The following FBXL16 variants were observed in gnomAD, a reference collection of about 807,000 sequenced individuals.
FBXL16 encodes F-box and leucine rich repeat protein 16.
Under a neutral mutation model 36.7 loss-of-function variants are expected in FBXL16, and 7 were observed. The ratio of observed to expected loss-of-function variants is 0.19; its 90% CI spans 0.11 to 0.36. The LOEUF (loss-of-function observed/expected upper bound fraction) is 0.36. Ranked by LOEUF, FBXL16 falls within the 10% of genes least tolerant of loss-of-function variation. The pLI, the probability that FBXL16 is intolerant of heterozygous loss-of-function variation, is 1.00. For synonymous variants in FBXL16, 355 were observed against 308.7 expected, an observed-to-expected ratio of 1.15 and a Z score of -1.57; for missense variants, 463 against 659.4, an observed-to-expected ratio of 0.70 and a Z score of 3.26.
At chr16:696,029 T>C (rs1030364303) in intron 2 of FBXL16, 106 bp from the exon 3 acceptor site, 12 of 1,429,234 alleles carry the variant, frequency 8.4e-6, no homozygotes, top group East Asian at 7.5e-5. Flanking sequence ...CTGAAAACAT[T>C]TGGCAGTGTG....
chr16:701,070 G>C (rs1051064083), intron 1 of FBXL16, among the ~76,000 whole-genome samples: 2 of 152,336 alleles, frequency 1.3e-5, no homozygotes, highest in South Asian at 4.1e-4. Context: ...GGGGCTGGGG[G>C]AGGCATTCGC....
At chr16:702,059 G>C (rs2151522553) in intron 1 of FBXL16, among the ~76,000 whole-genome samples, 1 of 152,264 alleles carries the variant, frequency 6.6e-6, no homozygotes, top group African/African-American at 2.4e-5. Context: ...GTGGGGCCTG[G>C]GTGCTCCTGG....
intron 1 of FBXL16, among the ~76,000 whole-genome samples, chr16:699,632 C>T (rs1459432666): frequency 6.6e-6 from 1 of 152,188 alleles, no homozygotes; most frequent in Non-Finnish European, 1.5e-5. Context: ...TGTCTGAGCC[C>T]CACGGCCACA....
chr16:702,750 G>A (rs2040066525), intron 1 of FBXL16, among the ~76,000 whole-genome samples: 1 of 152,190 alleles, frequency 6.6e-6, no homozygotes, highest in South Asian at 2.1e-4. Context: ...CTGAGTCACT[G>A]AGAGGGCTCC....
chr16:694,098 A>G lies in FBXL16; in HGVS notation c.*177T>C, dbSNP rs1186246193. ...CCCCCCTGCCCGGGGCGGGGCTGGG[A>G]GGGCGGAGGGACCGAAGGTCGGGGA... On this transcript the variant is annotated 3_prime_UTR_variant, in exon 6 of 6. Transcript: ENST00000397621. The G allele has an allele frequency of 6.6e-6, 2 of 302,040 alleles. No individual in the cohort carries two copies. Among genetic ancestry groups the G allele is most frequent in the African/African-American group, 2.2e-5 (1 of 44,652 alleles). 18.7% of individuals were successfully genotyped at this position (302,040 alleles called of 1,614,324 possible). A position where few individuals can be genotyped will look rare whatever the true frequency, so the allele number is the denominator to read the frequency against.
intron 1 of FBXL16, among the ~76,000 whole-genome samples, chr16:704,953 C>T (rs1359714507): frequency 6.6e-6 from 1 of 152,208 alleles, no homozygotes; most frequent in African/African-American, 2.4e-5. Flanking sequence ...TGCCGTTTCC[C>T]TTCTGAGGCC....
chr16:696,655 C>T, intron 2 of FBXL16, 118 bp downstream of exon 2: 4 of 733,742 alleles, frequency 5.5e-6, no homozygotes, highest in Non-Finnish European at 7.4e-6. Context: ...GCGCGAGGTC[C>T]CCTGTAGTCA....
At position 695,759 on chromosome 16, in the gene FBXL16, C is replaced by T. The variant is rs779510755; in HGVS notation, c.798G>A (p.Leu266=). The T allele has an allele frequency of 2.5e-6, 4 of 1,604,336 alleles. No individual in the cohort carries two copies. The South Asian group carries it at 4.4e-5, about 18-fold the overall frequency. The change falls in exon 3 of 6, where the codon CTG becomes CTA. Residue 266 remains leucine, a synonymous_variant. Transcript: ENST00000397621. ...ADDAIAAISQ[L]LPNLAELSLQ... ...GGCTCAGCTCCGCCAGGTTGGGCAGCAGCTGCGAGATGGCCGCGATGGCGT... is the reference window on the plus strand; with the variant it reads ...GGCTCAGCTCCGCCAGGTTGGGCAGTAGCTGCGAGATGGCCGCGATGGCGT...
intron 1 of FBXL16, among the ~76,000 whole-genome samples, chr16:702,508 C>G (rs888657898): frequency 2.1e-4 from 32 of 152,182 alleles, no homozygotes; most frequent in African/African-American, 7.7e-4. Flanking sequence ...TGCATGTTCG[C>G]GGAATGAATG....
At position 696,952 on chromosome 16, in the gene FBXL16, C is replaced by T. The variant is rs777057575; in HGVS notation, c.454G>A (p.Gly152Ser). The T allele has an allele frequency of 1.9e-6, 3 of 1,603,760 alleles. No homozygotes were observed. In the Admixed American group the frequency reaches 5.2e-5, roughly 28 times the overall value. The stretch of plus-strand genomic sequence containing the variant: ...AGGTTCACGAACTCCTTCTCGCCAC[C>T]AGGCAGCACGTTGTAGAGCTCCTTG... ...HAKELYNVLP[G>S]GEKEFVNLQG... Residue 152 changes from glycine (G) to serine (S), a missense_variant, in exon 2 of 6, where the codon GGT becomes AGT. This residue lies in a region of FBXL16 where 263 missense variants were observed against 341.1 expected (regional missense o/e 0.77). Coordinates refer to ENST00000397621, the MANE Select transcript of FBXL16 (RefSeq NM_153350.4).
rs2039981984 is a variant in FBXL16 at position 692,934 on chromosome 16, ACTCTCTGG to A, written c.*1333_*1340del. ...CTCTCTCACTCTCTTTCTCTCTCTC[ACTCTCTGG>A]CTCTCTGGAAACTGGTTACTCTCTT... On this transcript the variant is annotated 3_prime_UTR_variant, in exon 6 of 6. Coordinates refer to ENST00000397621, the MANE Select transcript of FBXL16 (RefSeq NM_153350.4). 2 of 149,466 alleles carry A rather than the reference ACTCTCTGG, an allele frequency of 1.3e-5. No individual in the cohort carries two copies. Among genetic ancestry groups the A allele is most frequent in the Non-Finnish European group, 1.5e-5 (1 of 67,244 alleles). The allele number at this position is 149,466 out of a possible 1,614,324, so 9.3% of individuals were successfully genotyped here.
chr16:700,721 G>C (rs1348331674), intron 1 of FBXL16, among the ~76,000 whole-genome samples: 1 of 152,070 alleles, frequency 6.6e-6, no homozygotes, highest in South Asian at 2.1e-4. Context: ...ACCCGGAAGC[G>C]CCGCCTTCCC....
rs1009199877 is a variant in FBXL16 at position 694,289 on chromosome 16, G to T, written c.1426C>A (p.Leu476Ile). 7.0e-7 allele frequency: 1 copy of T among 1,430,900 alleles called. No homozygotes were observed. Among genetic ancestry groups the T allele is most frequent in the African/African-American group, 1.5e-5 (1 of 66,940 alleles). The allele number at this position is 1,430,900 out of a possible 1,614,324, so 88.6% of individuals were successfully genotyped here. ...KYFSQHLPRC[L>I]VIE ...GGGGCCTCGCGCTACTCAATGACGAGGCAGCGGGGCAGGTGCTGCGAGAAA... is the reference window on the plus strand; with the variant it reads ...GGGGCCTCGCGCTACTCAATGACGATGCAGCGGGGCAGGTGCTGCGAGAAA... Residue 476 changes from leucine to isoleucine, a missense_variant, in exon 6 of 6, where the codon CTC becomes ATC. By Grantham distance (5) the Leu-to-Ile change is conservative. Transcript: ENST00000397621.
intron 3 of FBXL16, 60 bp downstream of exon 3, chr16:695,355 C>G: frequency 8.4e-7 from 1 of 1,195,288 alleles, no homozygotes; most frequent in Non-Finnish European, 1.0e-6. Context: ...CCCCGCCCCG[C>G]CCCGCCCCGT....
rs1302867157 is a variant in FBXL16 at position 694,790 on chromosome 16, CG to C, written c.1228-94del. 8.5e-6 allele frequency: 12 copies of C among 1,406,980 alleles called. No individual in the cohort carries two copies. In the East Asian group the frequency reaches 2.3e-4, roughly 27 times the overall value. 87.2% of individuals were successfully genotyped at this position (1,406,980 alleles called of 1,614,324 possible). On this transcript the variant is annotated intron_variant, in intron 4 of 5. Coordinates refer to ENST00000397621, the MANE Select transcript of FBXL16 (RefSeq NM_153350.4). ...ATGGAGGGCTAGGCGGGTTCAAGCCCGGGGTTCCTCCGTCCCCCCCGGAGCC... is the reference window on the plus strand; with the variant it reads ...ATGGAGGGCTAGGCGGGTTCAAGCCCGGGTTCCTCCGTCCCCCCCGGAGCC...
Position 705,508 on chromosome 16 carries a change from T to C in FBXL16, c.-15+4A>G, listed in dbSNP as rs1045264185. The C allele has an allele frequency of 7.8e-6, 1 of 127,850 alleles. No individual in the cohort carries two copies. Among genetic ancestry groups the C allele is most frequent in the African/African-American group, 2.9e-5 (1 of 34,154 alleles). 7.9% of individuals were successfully genotyped at this position (127,850 alleles called of 1,614,324 possible). A position where few individuals can be genotyped will look rare whatever the true frequency, so the allele number is the denominator to read the frequency against. ...CCCGCAGCCCGGCCGCACGCGCACC[T>C]TACCTCGGCCCGGGCTCCTGGCTCA... On this transcript the variant is annotated splice_donor_region_variant and intron_variant, in intron 1 of 5. Coordinates refer to ENST00000397621, the MANE Select transcript of FBXL16 (RefSeq NM_153350.4).
intron 4 of FBXL16, 84 bp downstream of exon 4, chr16:694,908 C>T: frequency 7.1e-7 from 1 of 1,413,314 alleles, no homozygotes; most frequent in Non-Finnish European, 9.4e-7. Context: ...CCAGACTCTC[C>T]CAGGATCTGA....
rs1246436168 is a variant in FBXL16, at chr16:695,690, C to A, written c.867G>T (p.Thr289=). ...TGTGCGTGCTGTGGCCCTGGCGCGC[C>A]GTGAAGTAGGCCAGCGCCGTGTCCG... ...HVTDTALAYF[T]ARQGHSTHTL... Residue 289 remains threonine (T), a synonymous_variant, in exon 3 of 6, where the codon ACG becomes ACT. Coordinates refer to ENST00000397621, the MANE Select transcript of FBXL16 (RefSeq NM_153350.4). 6.2e-7 allele frequency: 1 copy of A among 1,605,494 alleles called. No individual in the cohort carries two copies. Among genetic ancestry groups the A allele is most frequent in the African/African-American group, 1.3e-5 (1 of 74,914 alleles).
rs2040007826 is a variant in FBXL16, at chr16:695,933, G to A, written c.634-10C>T. On this transcript the variant is annotated splice_polypyrimidine_tract_variant and intron_variant, in intron 2 of 5. Transcript: ENST00000397621. ...TCTGTTCAAGCATAACCTGCAGGCGGGCGGGCGCCGGGTCAGGATTGCAGG... is the reference window on the plus strand; with the variant it reads ...TCTGTTCAAGCATAACCTGCAGGCGAGCGGGCGCCGGGTCAGGATTGCAGG... 7.0e-6 allele frequency: 11 copies of A among 1,566,166 alleles called. No individual in the cohort carries two copies. Among genetic ancestry groups the A allele is most frequent in the Non-Finnish European group, 8.7e-6 (10 of 1,151,362 alleles).
Sources: allele counts gnomAD v4.1 joint callset (sites outside exome capture counted in the v4.1 genomes callset), GRCh38; gene constraint gnomAD v4.1.1; regional missense constraint gnomAD v4.1.1; transcripts MANE v1.5; gene names NCBI Gene and HGNC (gene_info 2026-07-23, HGNC 2026-07-21).